Variants in SUMF1 observed in about 807,000 individuals in gnomAD.
The protein encoded by SUMF1 is formylglycine-generating enzyme.
Under a neutral mutation model 47.6 loss-of-function variants are expected in SUMF1, and 48 were observed. That is an observed-to-expected ratio of 1.01 (90% CI 0.80 to 1.28). The LOEUF is 1.28. Among genes scored for constraint, SUMF1 ranks in the 50% most tolerant of loss-of-function variants. The pLI, the probability that SUMF1 is intolerant of heterozygous loss-of-function variation, is 0.00. For missense variants in SUMF1, 571 were observed against 485.4 expected (o/e 1.18, Z -1.66); for synonymous variants, 230 against 192.1 (o/e 1.20, Z -1.63).
At chr3:4,283,591 T>C (rs1697571911) in intron 8 of SUMF1, among the ~76,000 whole-genome samples, 1 of 152,120 alleles carries the variant, frequency 6.6e-6, no homozygotes, top group South Asian at 2.1e-4. Context: ...TTTTCCCACA[T>C]GGTAACAGAG....
intron 8 of SUMF1, among the ~76,000 whole-genome samples, chr3:4,318,621 C>T (rs1217509939): frequency 1.3e-5 from 2 of 152,136 alleles, no homozygotes; most frequent in Admixed American, 6.6e-5. Flanking sequence ...GAACTTAAAA[C>T]TCAGGGCCGG....
intron 8 of SUMF1, among the ~76,000 whole-genome samples, chr3:4,284,927 T>C (rs139961842): frequency 3.9e-5 from 6 of 152,312 alleles, no homozygotes; most frequent in Non-Finnish European, 8.8e-5. Context: ...TTAACTTTGA[T>C]ATGAACTTAC....
chr3:4,069,136 G>C (rs1695453425), intron 8 of SUMF1, among the ~76,000 whole-genome samples: 1 of 152,196 alleles, frequency 6.6e-6, no homozygotes, highest in African/African-American at 2.4e-5. Context: ...CAAGAGCTTA[G>C]AATGTTGTAG....
At chr3:4,263,495 A>G (rs1430341770) in intron 8 of SUMF1, among the ~76,000 whole-genome samples, 1 of 152,146 alleles carries the variant, frequency 6.6e-6, no homozygotes, top group Non-Finnish European at 1.5e-5. Flanking sequence ...TCCAGCCCCA[A>G]TCTGTCTCTC....
chr3:4,292,999 TCAAA>T (rs1363755945), intron 8 of SUMF1, among the ~76,000 whole-genome samples: 1 of 152,022 alleles, frequency 6.6e-6, no homozygotes, highest in African/African-American at 2.4e-5. Flanking sequence ...CTTCCAGAGC[TCAAA>T]CTAACAAAGC....
intron 8 of SUMF1, among the ~76,000 whole-genome samples, chr3:4,230,080 T>G (rs1696265734): frequency 6.6e-6 from 1 of 152,050 alleles, no homozygotes; most frequent in African/African-American, 2.4e-5. Context: ...TTTTTTTTTT[T>G]AGATAGAAGT....
intron 8 of SUMF1, among the ~76,000 whole-genome samples, chr3:4,112,111 TAACTC>T (rs1486115046): frequency 6.6e-6 from 1 of 152,130 alleles, no homozygotes; most frequent in Non-Finnish European, 1.5e-5. Context: ...GATCTACAAT[TAACTC>T]TAGTGCAGAC....
chr3:4,071,074 G>GTA (rs923797937), intron 8 of SUMF1, among the ~76,000 whole-genome samples: 43 of 151,820 alleles, frequency 2.8e-4, no homozygotes, highest in Non-Finnish European at 4.0e-4. Context: ...ATATATATTT[G>GTA]TATATATATA....
intron 8 of SUMF1, among the ~76,000 whole-genome samples, chr3:4,078,405 A>G (rs897125387): frequency 6.6e-6 from 1 of 152,152 alleles, no homozygotes; most frequent in South Asian, 2.1e-4. Context: ...TTGACAAACA[A>G]GATAATTAGA....
rs73120010 is a variant in SUMF1, at chr3:4,197,261, C to T, written c.1015-128516G>A. ...TCCCGAATATTGGGGACTACAAATG[C>T]ACGCCACCATGCCTAACTAATTTTT... On this transcript the variant is annotated intron_variant and NMD_transcript_variant, in intron 8 of 12. Coordinates refer to the SUMF1 transcript ENST00000448413. 8.4e-3 allele frequency among the ~76,000 whole-genome samples: 1,276 copies of T among 152,088 alleles called. 20 individuals are homozygous for T. Among genetic ancestry groups the T allele is most frequent in the African/African-American group, 0.029 (1,214 of 41,510 alleles).
intron 8 of SUMF1, among the ~76,000 whole-genome samples, chr3:4,363,730 A>G (rs1287802962): frequency 1.5e-5 from 2 of 130,470 alleles, no homozygotes; most frequent in Non-Finnish European, 3.2e-5. Flanking sequence ...TCTCCTGCCT[A>G]ATCGCCCTGG....
In SUMF1 at chr3:4,325,361, T is replaced by C. The variant is rs149258176; in HGVS notation, c.1014+50969A>G. On this transcript the variant is annotated intron_variant and NMD_transcript_variant, in intron 8 of 12. Coordinates refer to the SUMF1 transcript ENST00000448413. Reference sequence around the variant, plus strand: ...AAGTCTCATACCCCACAGAGAAAGATAGGGGGAGAAAGGAAGAAAGAAAAA... The same window carrying C: ...AAGTCTCATACCCCACAGAGAAAGACAGGGGGAGAAAGGAAGAAAGAAAAA... 1.4e-3 allele frequency among the ~76,000 whole-genome samples: 200 copies of C among 144,152 alleles called. 2 individuals carry two copies. Among genetic ancestry groups the C allele is most frequent in the African/African-American group, 4.9e-3 (191 of 39,296 alleles). The allele number at this position is 144,152 out of a possible 152,430, so 94.6% of individuals were successfully genotyped here. A position where few individuals can be genotyped will look rare whatever the true frequency, so the allele number is the denominator to read the frequency against.
chr3:4,293,190 G>A (rs1419933654), intron 8 of SUMF1, among the ~76,000 whole-genome samples: 1 of 152,042 alleles, frequency 6.6e-6, no homozygotes, highest in Admixed American at 6.5e-5. Flanking sequence ...CAACCACATA[G>A]TGCAGTTATA....
intron 8 of SUMF1, among the ~76,000 whole-genome samples, chr3:4,285,488 A>AC (rs1188039177): frequency 9.2e-5 from 14 of 152,170 alleles, no homozygotes; most frequent in Admixed American, 9.2e-4. Flanking sequence ...TAAGGAAAAA[A>AC]TGTATATGGT....
intron 8 of SUMF1, among the ~76,000 whole-genome samples, chr3:4,119,997 A>G (rs530184399): frequency 6.6e-6 from 1 of 152,284 alleles, no homozygotes; most frequent in South Asian, 2.1e-4. Context: ...AAATGTTAAC[A>G]AACAGCAGAC....
chr3:4,145,668 T>C (rs1694177642), intron 8 of SUMF1, among the ~76,000 whole-genome samples: 1 of 152,316 alleles, frequency 6.6e-6, no homozygotes, highest in East Asian at 1.9e-4. Context: ...TGACTTTTCA[T>C]GTCTGCATCA....
At chr3:4,295,971 A>G (rs1179256287) in intron 8 of SUMF1, among the ~76,000 whole-genome samples, 1 of 152,202 alleles carries the variant, frequency 6.6e-6, no homozygotes, top group Non-Finnish European at 1.5e-5. Flanking sequence ...AACATATTTA[A>G]TAGCAGTCTA....
At chr3:4,380,521 C>A (rs898063497) in intron 7 of SUMF1, among the ~76,000 whole-genome samples, 3 of 152,122 alleles carry the variant, frequency 2.0e-5, no homozygotes, top group South Asian at 4.2e-4. Flanking sequence ...CAAACCCCCA[C>A]GGCCCACAAT....
intron 8 of SUMF1, among the ~76,000 whole-genome samples, chr3:4,079,466 AT>A: frequency 6.6e-6 from 1 of 152,064 alleles, no homozygotes; most frequent in South Asian, 2.1e-4. Context: ...AGAAGCTCAT[AT>A]GCTGTCCTAG....
Sources: allele counts gnomAD v4.1 joint callset (sites outside exome capture counted in the v4.1 genomes callset), GRCh38; gene constraint gnomAD v4.1.1; transcripts MANE v1.5; gene names NCBI Gene and HGNC (gene_info 2026-07-23, HGNC 2026-07-21).